LPP: variants seen among roughly 807,000 people sequenced by gnomAD.
LPP encodes lipoma-preferred partner.
In LPP, 38 loss-of-function variants were observed where a neutral mutation model predicts 60.4. That is an observed-to-expected ratio of 0.63 (90% CI 0.49 to 0.83). The LOEUF (loss-of-function observed/expected upper bound fraction) is 0.83. Ranked by LOEUF, LPP falls within the 40% of genes least tolerant of loss-of-function variation. The probability of loss-of-function intolerance (pLI) is 0.00; values close to 1 mark genes in which losing one functional copy is unlikely to be tolerated. For missense variants in LPP, 902 were observed against 783.6 expected (o/e 1.15, Z -1.80); for synonymous variants, 328 against 290.8 (o/e 1.13, Z -1.30).
chr3:188,658,070 C>T (rs1474580729), intron 7 of LPP, among the ~76,000 whole-genome samples: 1 of 127,442 alleles, frequency 7.8e-6, no homozygotes, highest in African/African-American at 2.9e-5. Flanking sequence ...GAATGAGTAA[C>T]CAGTGTTTTG....
At chr3:188,717,301 G>A (rs754795696) in intron 8 of LPP, among the ~76,000 whole-genome samples, 4 of 152,244 alleles carry the variant, frequency 2.6e-5, no homozygotes, top group East Asian at 1.9e-4. Context: ...TATAAGGAAC[G>A]ATGTGATTAC....
chr3:188,311,794 A>G (rs561103472), intron 2 of LPP, among the ~76,000 whole-genome samples: 3 of 152,078 alleles, frequency 2.0e-5, no homozygotes, highest in South Asian at 4.2e-4. Context: ...ACCCGCTGCT[A>G]TGCCCGGCTA....
At chr3:188,433,599 TGA>T (rs59204304) in intron 4 of LPP, among the ~76,000 whole-genome samples, 3,629 of 137,458 alleles carry the variant, frequency 0.026, 78 homozygotes, top group African/African-American at 0.062. Context: ...AGACAGAAAG[TGA>T]GAGAGAGAGA....
chr3:188,592,086 G>C (rs934565994), intron 6 of LPP, among the ~76,000 whole-genome samples: 3 of 152,086 alleles, frequency 2.0e-5, no homozygotes, highest in Non-Finnish European at 4.4e-5. Flanking sequence ...GCATAATACA[G>C]GACAGCGGAA....
intron 4 of LPP, among the ~76,000 whole-genome samples, chr3:188,411,335 G>C (rs1486114595): frequency 2.6e-5 from 4 of 152,080 alleles, no homozygotes. Context: ...TAGTACAACT[G>C]CTATGAAAAA....
chr3:188,608,095 A>C (rs149226282), intron 6 of LPP, among the ~76,000 whole-genome samples: 29 of 152,236 alleles, frequency 1.9e-4, no homozygotes, highest in African/African-American at 7.0e-4. Flanking sequence ...TAGACCAAAT[A>C]GATTTCTACA....
intron 6 of LPP, among the ~76,000 whole-genome samples, chr3:188,555,324 T>C (rs1426059893): frequency 6.6e-6 from 1 of 152,040 alleles, no homozygotes; most frequent in Non-Finnish European, 1.5e-5. Flanking sequence ...TTAAGTGAGA[T>C]GGAGAGCATT....
At chr3:188,440,154 C>T (rs1337238476) in intron 4 of LPP, among the ~76,000 whole-genome samples, 1 of 152,152 alleles carries the variant, frequency 6.6e-6, no homozygotes, top group Non-Finnish European at 1.5e-5. Flanking sequence ...TACCTTTCAC[C>T]TTCCCCAACC....
chr3:188,520,770 AT>A (rs1205689967), intron 5 of LPP, among the ~76,000 whole-genome samples: 2 of 152,118 alleles, frequency 1.3e-5, no homozygotes, highest in Non-Finnish European at 2.9e-5. Context: ...GATTGTTATA[AT>A]TACATTAACT....
intron 8 of LPP, among the ~76,000 whole-genome samples, chr3:188,751,127 C>T (rs2150319160): frequency 6.6e-6 from 1 of 152,276 alleles, no homozygotes; most frequent in South Asian, 2.1e-4. Flanking sequence ...TATTCTGTTG[C>T]TGGCTGCTGA....
At chr3:188,440,508 T>C (rs915220808) in intron 4 of LPP, among the ~76,000 whole-genome samples, 7 of 152,198 alleles carry the variant, frequency 4.6e-5, no homozygotes, top group Non-Finnish European at 1.0e-4. Context: ...TCACATCAGC[T>C]TTTTAAATAT....
intron 5 of LPP, among the ~76,000 whole-genome samples, chr3:188,494,679 C>A (rs1809409390): frequency 6.6e-6 from 1 of 151,946 alleles, no homozygotes; most frequent in Non-Finnish European, 1.5e-5. Flanking sequence ...ATAGCATTAT[C>A]TAAGCCAAAG....
intron 1 of LPP, among the ~76,000 whole-genome samples, chr3:188,155,323 C>T (rs1184840752): frequency 6.6e-6 from 1 of 152,192 alleles, no homozygotes; most frequent in Non-Finnish European, 1.5e-5. Flanking sequence ...ACCAAACTCA[C>T]TTAACTGTGT....
chr3:188,279,723 T>C (rs528668911), intron 2 of LPP, among the ~76,000 whole-genome samples: 1 of 152,340 alleles, frequency 6.6e-6, no homozygotes, highest in Admixed American at 6.5e-5. Context: ...TGTGATGTAA[T>C]GTGAGGAAAC....
At chr3:188,273,589 CTTTTTTTTTT>C (rs11380757) in intron 2 of LPP, among the ~76,000 whole-genome samples, 3 of 80,422 alleles carry the variant, frequency 3.7e-5, no homozygotes, top group Admixed American at 2.0e-4. Flanking sequence ...TATTTTATAT[CTTTTTTTTTT>C]TTTTTTTTTT....
intron 2 of LPP, among the ~76,000 whole-genome samples, chr3:188,243,914 C>T (rs573733457): frequency 3.9e-5 from 6 of 152,112 alleles, no homozygotes; most frequent in East Asian, 1.9e-4. Context: ...CTCGCTCTGT[C>T]GCGCAGGCTG....
At chr3:188,200,769 T>G (rs1560104795) in intron 1 of LPP, among the ~76,000 whole-genome samples, 1 of 152,188 alleles carries the variant, frequency 6.6e-6, no homozygotes, top group Non-Finnish European at 1.5e-5. Flanking sequence ...AAAGGCACTC[T>G]AGCTGGTGGA....
chr3:188,248,711 AACTC>A (rs1358279968), intron 2 of LPP, among the ~76,000 whole-genome samples: 1 of 151,596 alleles, frequency 6.6e-6, no homozygotes, highest in African/African-American at 2.4e-5. Context: ...TTCTGCTGGG[AACTC>A]AGGTGTGTGG....
chr3:188,695,910 A>G (rs531922900), intron 7 of LPP, among the ~76,000 whole-genome samples: 1 of 152,242 alleles, frequency 6.6e-6, no homozygotes, highest in Non-Finnish European at 1.5e-5. Flanking sequence ...AAATTAGTGG[A>G]AAAACACTAA....
Sources: gnomAD v4.1 joint callset for allele counts (sites outside exome capture counted in the v4.1 genomes callset) on GRCh38, gnomAD v4.1.1 for gene constraint, MANE v1.5 for transcripts, NCBI Gene and HGNC (gene_info 2026-07-23, HGNC 2026-07-21) for gene names.